EYA2: variants seen among roughly 807,000 people sequenced by gnomAD.
The protein encoded by EYA2 is EYA transcriptional coactivator and phosphatase 2.
A neutral mutation model predicts 69.2 loss-of-function variants in EYA2; 31 were observed. The observed-to-expected ratio is 0.45, with a 90% CI of 0.34 to 0.60. The LOEUF (loss-of-function observed/expected upper bound fraction) is 0.60. Among genes scored for constraint, EYA2 ranks in the 20% least tolerant of loss-of-function variants. The pLI, the probability that EYA2 is intolerant of heterozygous loss-of-function variation, is 0.02. For synonymous variants in EYA2, 257 were observed against 279.4 expected (o/e 0.92, Z 0.80); for missense variants, 622 against 701.2 (o/e 0.89, Z 1.28).
intron 6 of EYA2, among the ~76,000 whole-genome samples, chr20:47,072,491 A>AT (rs1476670820): frequency 1.3e-5 from 2 of 152,162 alleles, no homozygotes; most frequent in South Asian, 2.1e-4. Context: ...ATCTACAAGT[A>AT]TGTTCCATCT....
chr20:46,921,273 G>T (rs1474851136), intron 1 of EYA2, among the ~76,000 whole-genome samples: 1 of 152,214 alleles, frequency 6.6e-6, no homozygotes, highest in Admixed American at 6.5e-5. Flanking sequence ...CTTGGGACTG[G>T]ATTCTAGGCC....
At chr20:46,970,383 G>A (rs1980065883) in intron 1 of EYA2, among the ~76,000 whole-genome samples, 3 of 152,276 alleles carry the variant, frequency 2.0e-5, no homozygotes, top group Non-Finnish European at 4.4e-5. Context: ...GGGACATTTT[G>A]CAATGTTTGG....
chr20:47,132,604 C>T (rs1168838214), intron 9 of EYA2, among the ~76,000 whole-genome samples: 1 of 152,192 alleles, frequency 6.6e-6, no homozygotes, highest in Non-Finnish European at 1.5e-5. Context: ...TGGGGAATGG[C>T]AGTCCCAGGA....
chr20:47,120,672 GGTCTCA>G (rs1239320409), intron 9 of EYA2, among the ~76,000 whole-genome samples: 1 of 152,164 alleles, frequency 6.6e-6, no homozygotes, highest in Non-Finnish European at 1.5e-5. Context: ...TTTTTCCTAA[GGTCTCA>G]GTCTGTAAAA....
At chr20:47,053,697 C>G (rs969798526) in intron 5 of EYA2, among the ~76,000 whole-genome samples, 1 of 146,910 alleles carries the variant, frequency 6.8e-6, no homozygotes, top group East Asian at 2.1e-4. Flanking sequence ...GAGTAAGATT[C>G]TTCTATCTCC....
At chr20:46,917,774 A>G (rs1984979905) in intron 1 of EYA2, among the ~76,000 whole-genome samples, 1 of 152,226 alleles carries the variant, frequency 6.6e-6, no homozygotes, top group South Asian at 2.1e-4. Flanking sequence ...AAAAACGCTA[A>G]TGATCGTCTG....
chr20:47,042,563 G>A (rs958982888), intron 5 of EYA2, among the ~76,000 whole-genome samples: 7 of 152,184 alleles, frequency 4.6e-5, no homozygotes, highest in Admixed American at 6.5e-5. Flanking sequence ...GTGAAGTACA[G>A]GAGTTAGGCT....
intron 5 of EYA2, among the ~76,000 whole-genome samples, chr20:47,028,223 C>T (rs1984206534): frequency 6.6e-6 from 1 of 152,216 alleles, no homozygotes; most frequent in Non-Finnish European, 1.5e-5. Context: ...AACCAGCTGG[C>T]ACGTTGACCT....
intron 4 of EYA2, among the ~76,000 whole-genome samples, chr20:47,012,242 C>G (rs6094555): frequency 1.3e-5 from 2 of 152,176 alleles, no homozygotes; most frequent in African/African-American, 4.8e-5. Flanking sequence ...TCACGAGCAC[C>G]TTTTCGGAGG....
At chr20:47,142,293 C>A (rs1383647180) in intron 9 of EYA2, among the ~76,000 whole-genome samples, 2 of 152,210 alleles carry the variant, frequency 1.3e-5, no homozygotes, top group African/African-American at 4.8e-5. Context: ...GGGAGGGACC[C>A]CAAATATGGG....
intron 2 of EYA2, chr20:46,997,694 C>A (rs1468280647): frequency 6.6e-6 from 1 of 152,334 alleles, no homozygotes; most frequent in Admixed American, 6.5e-5. Flanking sequence ...AATGACTCCT[C>A]CATTGACCTT....
At chr20:46,920,590 A>G (rs1388789488) in intron 1 of EYA2, among the ~76,000 whole-genome samples, 2 of 152,182 alleles carry the variant, frequency 1.3e-5, no homozygotes, top group Non-Finnish European at 2.9e-5. Flanking sequence ...GAATCATCAG[A>G]CAACTTCAAG....
chr20:47,009,962 A>G (rs564855222), intron 4 of EYA2, among the ~76,000 whole-genome samples: 14 of 152,354 alleles, frequency 9.2e-5, no homozygotes, highest in South Asian at 2.1e-4. Flanking sequence ...ATCCCTGTTC[A>G]TACAAGTAGC....
chr20:47,182,629 A>T lies in EYA2; in HGVS notation c.1436-662A>T, dbSNP rs112779451. Among the ~76,000 whole-genome samples, 3 of 39,972 alleles carry T rather than the reference A, an allele frequency of 7.5e-5. 1 individual carries two copies. The South Asian group carries it at 1.9e-3, about 25-fold the overall frequency. 26.2% of individuals were successfully genotyped at this position (39,972 alleles called of 152,430 possible). ...GGGCAACAAGAACGAGACTCCGTCT[A>T]AAAAAAAAAAAAAAAGGTTAAGATG... On this transcript the variant is annotated intron_variant, in intron 14 of 15. Coordinates refer to ENST00000327619, the MANE Select transcript of EYA2 (RefSeq NM_005244.5).
chr20:47,072,365 C>T (rs1294237672), intron 6 of EYA2, 113 bp downstream of exon 6: 1 of 1,039,544 alleles, frequency 9.6e-7, no homozygotes, highest in Admixed American at 2.0e-5. Flanking sequence ...GAACCTGCCT[C>T]TTAGTCCCTG....
intron 2 of EYA2, among the ~76,000 whole-genome samples, chr20:46,994,159 C>A (rs553391849): frequency 1.3e-5 from 2 of 152,306 alleles, no homozygotes; most frequent in East Asian, 3.9e-4. Flanking sequence ...TCACTTCCCC[C>A]TGCCTCATTT....
chr20:47,109,792 C>T (rs919970361), intron 9 of EYA2, among the ~76,000 whole-genome samples: 1 of 152,200 alleles, frequency 6.6e-6, no homozygotes, highest in Non-Finnish European at 1.5e-5. Context: ...ATTTGACATT[C>T]CCCATTTTTG....
At chr20:47,154,816 GTT>G (rs1352065450) in intron 10 of EYA2, among the ~76,000 whole-genome samples, 99 of 83,640 alleles carry the variant, frequency 1.2e-3, no homozygotes, top group Admixed American at 3.7e-3. Context: ...TGTTTATTTT[GTT>G]TTGTGTGTGT....
At chr20:47,186,650 C>T (rs1470591749) in intron 15 of EYA2, among the ~76,000 whole-genome samples, 4 of 152,092 alleles carry the variant, frequency 2.6e-5, no homozygotes, top group South Asian at 2.1e-4. Context: ...TGAGCCACCA[C>T]GCCCGGCCTC....
Sources: gnomAD v4.1 joint callset for allele counts (sites outside exome capture counted in the v4.1 genomes callset) on GRCh38, gnomAD v4.1.1 for gene constraint, MANE v1.5 for transcripts, NCBI Gene and HGNC (gene_info 2026-07-23, HGNC 2026-07-21) for gene names.